The following DST variants were observed in gnomAD, a reference collection of about 807,000 sequenced individuals.
DST encodes the protein bullous pemphigoid antigen.
A neutral mutation model predicts 875.2 loss-of-function variants in DST; 253 were observed. The ratio of observed to expected loss-of-function variants is 0.29; its 90% CI spans 0.26 to 0.32. The LOEUF is 0.32. Ranked by LOEUF, DST falls within the 10% of genes least tolerant of loss-of-function variation. The probability of loss-of-function intolerance (pLI) is 1.00; values close to 1 mark genes in which losing one functional copy is unlikely to be tolerated. For synonymous variants in DST, 3,124 were observed against 3,197.1 expected, an observed-to-expected ratio of 0.98 and a Z score of 0.77; for missense variants, 8,287 against 9,111.6, an observed-to-expected ratio of 0.91 and a Z score of 3.68.
At chr6:56,571,126 C>G (rs1459817942) in intron 53 of DST, among the ~76,000 whole-genome samples, 3 of 152,196 alleles carry the variant, frequency 2.0e-5, no homozygotes, top group Non-Finnish European at 4.4e-5. Context: ...CTCTGCACCA[C>G]GGAGGCAGTG....
At chr6:56,848,477 T>C (rs533847349) in intron 4 of DST, among the ~76,000 whole-genome samples, 13 of 152,228 alleles carry the variant, frequency 8.5e-5, no homozygotes, top group African/African-American at 3.1e-4. Flanking sequence ...AGTATGAAAA[T>C]ATATAACAAA....
chr6:56,521,348 GA>G (rs561751107), intron 69 of DST, among the ~76,000 whole-genome samples: 7 of 146,838 alleles, frequency 4.8e-5, no homozygotes, highest in East Asian at 2.0e-4. Flanking sequence ...ACTGGTTCCT[GA>G]AAAAAAAAAT....
At chr6:56,527,808 G>C in intron 67 of DST, 74 bp from the exon 68 acceptor site, 1 of 1,408,272 alleles carries the variant, frequency 7.1e-7, no homozygotes, top group Non-Finnish European at 9.4e-7. Context: ...AGATATTATG[G>C]AACACTGATG....
At chr6:56,929,143 C>G (rs1191215805) in intron 2 of DST, among the ~76,000 whole-genome samples, 1 of 151,912 alleles carries the variant, frequency 6.6e-6, no homozygotes, top group Non-Finnish European at 1.5e-5. Flanking sequence ...TAAAATAAAC[C>G]ATTGTAAATG....
In DST at chr6:56,615,194, G is replaced by T. The variant is rs754155215; in HGVS notation, c.4930-710C>A. 5.2e-6 allele frequency: 6 copies of T among 1,155,042 alleles called. No homozygotes were observed. In the South Asian group the frequency reaches 6.5e-5, roughly 13 times the overall value. The allele number at this position is 1,155,042 out of a possible 1,614,324, so 71.5% of individuals were successfully genotyped here. A position where few individuals can be genotyped will look rare whatever the true frequency, so the allele number is the denominator to read the frequency against. On this transcript the variant is annotated intron_variant, in intron 36 of 103. Coordinates refer to ENST00000680361, the MANE Select transcript of DST (RefSeq NM_001374736.1). The stretch of plus-strand genomic sequence containing the variant: ...TAAATGATCACTATTCAATGAAGGG[G>T]AGTTCTGAAGAAATGACACTGTGAA...
chr6:56,595,714 A>G (rs2152691885), intron 47 of DST, among the ~76,000 whole-genome samples: 1 of 151,964 alleles, frequency 6.6e-6, no homozygotes, highest in Non-Finnish European at 1.5e-5. Flanking sequence ...CACATAGTAA[A>G]TATTTTTAAC....
rs555664172 is a variant in DST at position 56,601,621 on chromosome 6, T to C, written c.11363A>G (p.Asp3788Gly). 1.3e-5 allele frequency: 20 copies of C among 1,597,850 alleles called. No individual in the cohort carries two copies. In the East Asian group the frequency reaches 1.6e-4, roughly 13 times the overall value. The change falls in exon 44 of 104, where the codon GAT (aspartate) becomes GGT (glycine). Residue 3788 changes from aspartate to glycine, a missense_variant. Physicochemically the swap from Asp to Gly is moderately conservative, Grantham distance 94. Coordinates refer to ENST00000680361, the MANE Select transcript of DST (RefSeq NM_001374736.1). ...ATATTCAGAAATGAAGAACTGCACA[T>C]CAAAGGCAGTAGTCTCCAGCTGCAT... The part of the protein sequence containing the change: ...TKMQLETTAF[D>G]VQFFISEYAQ...
At chr6:56,726,333 T>C (rs867001029) in intron 5 of DST, among the ~76,000 whole-genome samples, 1 of 152,216 alleles carries the variant, frequency 6.6e-6, no homozygotes, top group Non-Finnish European at 1.5e-5. Context: ...GTTTGCAATA[T>C]GGTAAACCCT....
chr6:56,840,388 T>C (rs1415701247), intron 4 of DST, among the ~76,000 whole-genome samples: 2 of 152,202 alleles, frequency 1.3e-5, no homozygotes, highest in African/African-American at 4.8e-5. Flanking sequence ...GTAGACAATT[T>C]CTAGCCTAAA....
chr6:56,546,353 T>TATATATATATATATATTTC (rs2097221801), intron 61 of DST, among the ~76,000 whole-genome samples: 26 of 35,770 alleles, frequency 7.3e-4, no homozygotes, highest in African/African-American at 4.9e-3. Context: ...ATTTCATATA[T>TATATATATATATATATTTC]ATATATATAT....
rs778166213 is a variant in DST at position 56,511,177 on chromosome 6, T to C, written c.18780+20A>G. ...TGTTGTCTGCAAGAACCCAATTCTA[T>C]ATCTAGTGTAAACAATTACCTGAGT... On this transcript the variant is annotated intron_variant, in intron 73 of 103. Transcript: ENST00000680361. 19 of 1,556,926 alleles carry C rather than the reference T, an allele frequency of 1.2e-5. No homozygotes were observed. The African/African-American group carries it at 2.2e-4, about 18-fold the overall frequency.
chr6:56,832,092 A>G (rs1315924640), intron 4 of DST, among the ~76,000 whole-genome samples: 1 of 152,204 alleles, frequency 6.6e-6, no homozygotes, highest in Non-Finnish European at 1.5e-5. Context: ...TGCTTTCTGT[A>G]ATTTAGAATC....
Position 56,643,548 on chromosome 6 carries a change from C to T in DST, c.1779-1045G>A, listed in dbSNP as rs1483492982. Among the ~76,000 whole-genome samples, 4 of 152,254 alleles carry T rather than the reference C, an allele frequency of 2.6e-5. No homozygotes were observed. The East Asian group carries it at 7.7e-4, about 29-fold the overall frequency. ...TATAGGATATTACATGGCATAAGAACACTGGCTCTTTCCCATTTGTTTTTC... is the reference window on the plus strand; with the variant it reads ...TATAGGATATTACATGGCATAAGAATACTGGCTCTTTCCCATTTGTTTTTC... On this transcript the variant is annotated intron_variant, in intron 15 of 103. Coordinates refer to ENST00000680361, the MANE Select transcript of DST (RefSeq NM_001374736.1).
intron 4 of DST, among the ~76,000 whole-genome samples, chr6:56,824,355 G>C (rs1193369435): frequency 1.3e-5 from 2 of 152,150 alleles, no homozygotes; most frequent in African/African-American, 2.4e-5. Flanking sequence ...ATCTCGGCTC[G>C]CTACAACCAC....
chr6:56,906,105 T>C (rs2127704951), intron 2 of DST, among the ~76,000 whole-genome samples: 1 of 152,324 alleles, frequency 6.6e-6, no homozygotes, highest in South Asian at 2.1e-4. Flanking sequence ...AGAAGTGTGA[T>C]TGTTGGATCA....
chr6:56,594,307 G>T, intron 47 of DST, 114 bp from the exon 48 acceptor site: 1 of 788,194 alleles, frequency 1.3e-6, no homozygotes, highest in Admixed American at 2.7e-5. Context: ...GCTACAACTT[G>T]CTTCTCATTC....
chr6:56,934,611 G>A (rs1812063452), intron 2 of DST, among the ~76,000 whole-genome samples: 4 of 129,064 alleles, frequency 3.1e-5, no homozygotes, highest in Non-Finnish European at 5.1e-5. Flanking sequence ...GAGAAGGAGG[G>A]GAGAGAGAGA....
At chr6:56,721,230 G>A (rs2099415248) in intron 5 of DST, among the ~76,000 whole-genome samples, 1 of 152,140 alleles carries the variant, frequency 6.6e-6, no homozygotes, top group Non-Finnish European at 1.5e-5. Flanking sequence ...CCAGGCGGGG[G>A]CACTATCCTG....
chr6:56,690,328 A>T (rs976513913), intron 9 of DST, among the ~76,000 whole-genome samples: 1 of 152,174 alleles, frequency 6.6e-6, no homozygotes, highest in Admixed American at 6.6e-5. Context: ...GCAGTATACA[A>T]ATCTAATATA....
Sources: gnomAD v4.1 joint callset for allele counts (sites outside exome capture counted in the v4.1 genomes callset) on GRCh38, gnomAD v4.1.1 for gene constraint, MANE v1.5 for transcripts, NCBI Gene and HGNC (gene_info 2026-07-23, HGNC 2026-07-21) for gene names.